The following ANXA2 variants were observed in gnomAD, a reference collection of about 807,000 sequenced individuals.
ANXA2 encodes the protein annexin A2, also known as annexin II.
ANXA2 carries 28 observed loss-of-function variants against 47.3 expected under a neutral mutation model. The ratio of observed to expected loss-of-function variants is 0.59; its 90% CI spans 0.44 to 0.81. ANXA2 has a LOEUF of 0.81. Ranked by LOEUF, ANXA2 falls within the 40% of genes least tolerant of loss-of-function variation. The pLI, the probability that ANXA2 is intolerant of heterozygous loss-of-function variation, is 0.00. For synonymous variants in ANXA2, 172 were observed against 155.5 expected, an observed-to-expected ratio of 1.11 and a Z score of -0.79; for missense variants, 384 against 414.3, an observed-to-expected ratio of 0.93 and a Z score of 0.64.
In ANXA2 at chr15:60,351,105, C is replaced by A. The variant is rs993852467; in HGVS notation, c.837+88G>T. Reference sequence around the variant, plus strand: ...TCCACACAGTGGGGTCCCCTTCCTCCATCCATGAATCAAGGAGACTCAATT... The same window carrying A: ...TCCACACAGTGGGGTCCCCTTCCTCAATCCATGAATCAAGGAGACTCAATT... On this transcript the variant is annotated intron_variant, in intron 11 of 12. Transcript: ENST00000451270. The A allele has an allele frequency of 9.2e-6, 13 of 1,412,028 alleles. No individual in the cohort carries two copies. The Admixed American group carries it at 2.1e-4, about 22-fold the overall frequency. The allele number at this position is 1,412,028 out of a possible 1,614,324, so 87.5% of individuals were successfully genotyped here.
At chr15:60,395,289 T>A (rs1179820659) in intron 1 of ANXA2, among the ~76,000 whole-genome samples, 1 of 152,178 alleles carries the variant, frequency 6.6e-6, no homozygotes, top group Admixed American at 6.5e-5. Context: ...CGGGGGTCTG[T>A]TTTGTTCACT....
chr15:60,385,880 G>C, intron 2 of ANXA2, 148 bp downstream of exon 2: 5 of 547,224 alleles, frequency 9.1e-6, no homozygotes, highest in South Asian at 2.6e-5. Context: ...ACTAGGAACA[G>C]CTGAAGTATT....
rs142928530 is a variant in ANXA2 at position 60,350,758 on chromosome 15, A to G, written c.837+435T>C. Among the ~76,000 whole-genome samples the G allele has an allele frequency of 2.9e-4, 30 of 101,760 alleles. No individual in the cohort carries two copies. In the East Asian group the frequency reaches 7.3e-3, roughly 25 times the overall value. 66.8% of individuals were successfully genotyped at this position (101,760 alleles called of 152,430 possible). ...GAGGTATTCTGAGCTCCATCTCTGCATTTATAAAGAAGATAATCATAAGCC... is the reference window on the plus strand; with the variant it reads ...GAGGTATTCTGAGCTCCATCTCTGCGTTTATAAAGAAGATAATCATAAGCC... On this transcript the variant is annotated intron_variant, in intron 11 of 12. Coordinates refer to ENST00000451270, the MANE Select transcript of ANXA2 (RefSeq NM_004039.3).
chr15:60,357,931 T>C (rs1024062466), intron 5 of ANXA2, among the ~76,000 whole-genome samples: 1 of 152,202 alleles, frequency 6.6e-6, no homozygotes, highest in African/African-American at 2.4e-5. Context: ...CAATAACCAC[T>C]CACTATTTTA....
At chr15:60,384,700 A>G (rs758156587) in intron 2 of ANXA2, 30 of 152,260 alleles carry the variant, frequency 2.0e-4, no homozygotes, top group Admixed American at 7.2e-4. Flanking sequence ...AAGATTTTAA[A>G]AAAACTCTAT....
intron 1 of ANXA2, among the ~76,000 whole-genome samples, chr15:60,395,027 T>G (rs2063062671): frequency 6.6e-6 from 1 of 152,152 alleles, no homozygotes; most frequent in Admixed American, 6.5e-5. Flanking sequence ...TCTATTTAAT[T>G]CTCACAATTG....
chr15:60,389,044 T>C (rs766608024), intron 1 of ANXA2, among the ~76,000 whole-genome samples: 2 of 152,016 alleles, frequency 1.3e-5, no homozygotes, highest in Admixed American at 6.6e-5. Flanking sequence ...AGCCCGAGAA[T>C]TACCGAAGCA....
At chr15:60,385,918 G>A (rs1161634882) in intron 2 of ANXA2, 110 bp downstream of exon 2, 4 of 667,742 alleles carry the variant, frequency 6.0e-6, no homozygotes, top group Non-Finnish European at 1.0e-5. Flanking sequence ...AATGATGACT[G>A]TCTGAATTGT....
chr15:60,351,240 G>C lies in ANXA2; in HGVS notation c.790C>G (p.Gln264Glu). ...TCAGCAAAATACAGGGGCTTGTTCT[G>C]AATGCACTGAACTGTGGAGAGAAGA... Reference protein sequence around the residue: ...NAFLNLVQCIQNKPLYFADRL... With the variant: ...NAFLNLVQCIENKPLYFADRL... The change falls in exon 11 of 13, where the codon CAG becomes GAG. Residue 264 changes from glutamine (Q) to glutamate (E), a missense_variant. Coordinates refer to ENST00000451270, the MANE Select transcript of ANXA2 (RefSeq NM_004039.3). 1 of 1,614,202 alleles carries C rather than the reference G, an allele frequency of 6.2e-7. No homozygotes were observed. Among genetic ancestry groups the C allele is most frequent in the South Asian group, 1.1e-5 (1 of 91,088 alleles).
At chr15:60,356,074 A>C in intron 6 of ANXA2, 76 bp from the exon 7 acceptor site, 1 of 1,134,240 alleles carries the variant, frequency 8.8e-7, no homozygotes, top group African/African-American at 1.5e-5. Context: ...CCCATTTCCC[A>C]CTAAGACTCT....
intron 1 of ANXA2, among the ~76,000 whole-genome samples, chr15:60,390,010 T>G (rs1394853246): frequency 6.6e-6 from 1 of 152,196 alleles, no homozygotes; most frequent in African/African-American, 2.4e-5. Context: ...TTCAAAGCAG[T>G]AGAAAGTATA....
At chr15:60,373,880 A>G (rs532724668) in intron 3 of ANXA2, among the ~76,000 whole-genome samples, 18 of 152,332 alleles carry the variant, frequency 1.2e-4, no homozygotes, top group African/African-American at 4.3e-4. Flanking sequence ...AATATGGGGC[A>G]AAGAAAGATA....
At chr15:60,393,003 C>G in intron 1 of ANXA2, 1 of 1,278,890 alleles carries the variant, frequency 7.8e-7, no homozygotes, top group Non-Finnish European at 1.0e-6. Flanking sequence ...GTACTCCATC[C>G]TCCACCCACC....
At chr15:60,380,899 G>A (rs539607661) in intron 3 of ANXA2, among the ~76,000 whole-genome samples, 6 of 151,760 alleles carry the variant, frequency 4.0e-5, no homozygotes, top group Non-Finnish European at 4.4e-5. Flanking sequence ...CATCTGGGGG[G>A]TGGTCCACAG....
chr15:60,369,849 G>A (rs1463329), intron 3 of ANXA2, among the ~76,000 whole-genome samples: 61,113 of 152,004 alleles, frequency 0.4, 12,556 homozygotes, highest in Admixed American at 0.52. Flanking sequence ...GTACAGGATC[G>A]ACTACAATTT....
At chr15:60,382,524 A>G (rs76472852) in intron 2 of ANXA2, 83 bp from the exon 3 acceptor site, 47,468 of 1,011,388 alleles carry the variant, frequency 0.047, 1,445 homozygotes, top group Non-Finnish European at 0.055. Flanking sequence ...ATGTTTTCCT[A>G]TTGTTTCTTT....
intron 8 of ANXA2, among the ~76,000 whole-genome samples, chr15:60,353,120 G>A (rs2062374232): frequency 6.6e-6 from 1 of 152,208 alleles, no homozygotes; most frequent in Non-Finnish European, 1.5e-5. Flanking sequence ...TGCTAGAAGT[G>A]CCGTGTGGAA....
intron 2 of ANXA2, 35 bp downstream of exon 2, chr15:60,385,993 G>A (rs773618896): frequency 2.6e-6 from 4 of 1,528,178 alleles, no homozygotes; most frequent in Non-Finnish European, 3.6e-6. Context: ...TGTCCAACTT[G>A]CAAAAATTAT....
chr15:60,385,986 C>T (rs770111852), intron 2 of ANXA2, 42 bp downstream of exon 2: 1 of 1,435,126 alleles, frequency 7.0e-7, no homozygotes, highest in Admixed American at 1.8e-5. Context: ...AGAGAGATGT[C>T]CAACTTGCAA....
Sources: allele counts gnomAD v4.1 joint callset (sites outside exome capture counted in the v4.1 genomes callset), GRCh38; gene constraint gnomAD v4.1.1; transcripts MANE v1.5; gene names NCBI Gene and HGNC (gene_info 2026-07-23, HGNC 2026-07-21).